Variants in CKAP5 observed in about 807,000 individuals in gnomAD.
CKAP5 encodes the protein cytoskeleton-associated protein 5.
CKAP5 carries 27 observed loss-of-function variants against 232.8 expected under a neutral mutation model. The observed-to-expected ratio is 0.12, with a 90% confidence interval of 0.09 to 0.16. The LOEUF (loss-of-function observed/expected upper bound fraction) is 0.16, where lower values mean the gene tolerates loss of function less well. Ranked by LOEUF, CKAP5 falls within the 10% of genes least tolerant of loss-of-function variation. CKAP5 has a pLI of 1.00. For missense variants in CKAP5, 1,838 were observed against 2,424.7 expected (o/e 0.76, Z 5.08); for synonymous variants, 785 against 841.1 (o/e 0.93, Z 1.16).
intron 40 of CKAP5, 130 bp downstream of exon 40, chr11:46,750,988 G>A: frequency 9.6e-7 from 1 of 1,042,660 alleles, no homozygotes; most frequent in Non-Finnish European, 1.4e-6. Flanking sequence ...CACAGCAGGA[G>A]ACTGATTCAA....
intron 36 of CKAP5, among the ~76,000 whole-genome samples, chr11:46,753,761 AT>A (rs537879375): frequency 1.5e-3 from 213 of 138,608 alleles, no homozygotes; most frequent in Middle Eastern, 3.8e-3. Context: ...TAATTTTTGT[AT>A]TTTTTTTTTT....
At chr11:46,766,164 AGCATG>A (rs1259856640) in intron 27 of CKAP5, among the ~76,000 whole-genome samples, 2 of 152,240 alleles carry the variant, frequency 1.3e-5, no homozygotes, top group East Asian at 3.8e-4. Context: ...TTATAAATGT[AGCATG>A]GCCACTATTT....
intron 1 of CKAP5, among the ~76,000 whole-genome samples, chr11:46,839,883 A>G (rs1302041777): frequency 6.6e-6 from 1 of 152,176 alleles, no homozygotes; most frequent in African/African-American, 2.4e-5. Flanking sequence ...TCATGCTTGT[A>G]ACCCCAGCAA....
In CKAP5 at chr11:46,777,455, A is replaced by T. The variant is rs1472462234; in HGVS notation, c.2846T>A (p.Val949Asp). The change falls in exon 23 of 44, where the codon GTC becomes GAC. Residue 949 changes from valine to aspartate, a missense_variant. By Grantham distance (152) the Val-to-Asp change is radical. Transcript: ENST00000529230. The stretch of plus-strand genomic sequence containing the variant: ...TAGGTTTACCTTGCTGTCTCCAAGG[A>T]CTGTGATGATAGGGATGCCTAAATT... ...VKNLGIPIITVLGDSKNNVRA... is the reference protein window; with the variant it reads ...VKNLGIPIITDLGDSKNNVRA... 1.2e-6 allele frequency: 2 copies of T among 1,608,666 alleles called. No individual in the cohort carries two copies. Among genetic ancestry groups the T allele is most frequent in the Non-Finnish European group, 1.7e-6 (2 of 1,175,082 alleles).
intron 8 of CKAP5, among the ~76,000 whole-genome samples, chr11:46,803,666 A>G (rs1939087685): frequency 6.6e-6 from 1 of 152,186 alleles, no homozygotes; most frequent in Non-Finnish European, 1.5e-5. Context: ...CTGACTCCAA[A>G]GTTTTTGCTC....
intron 24 of CKAP5, among the ~76,000 whole-genome samples, chr11:46,775,269 A>C (rs893583310): frequency 6.6e-6 from 1 of 152,242 alleles, no homozygotes; most frequent in African/African-American, 2.4e-5. Context: ...AATGCAAATC[A>C]AAACACAATG....
chr11:46,779,660 C>T lies in CKAP5; in HGVS notation c.2433+534G>A, dbSNP rs549969548. The stretch of plus-strand genomic sequence containing the variant: ...TTTGAGAAAAGGTCTCTCTGTGTGG[C>T]CTAGGCTTGAGTACAGTGGTACAAA... On this transcript the variant is annotated intron_variant, in intron 20 of 43. Transcript: ENST00000529230. Among the ~76,000 whole-genome samples the T allele has an allele frequency of 2.3e-3, 352 of 151,830 alleles. 2 individuals are homozygous for T. Among genetic ancestry groups the T allele is most frequent in the Non-Finnish European group, 4.1e-3 (278 of 67,964 alleles).
intron 24 of CKAP5, among the ~76,000 whole-genome samples, chr11:46,772,850 T>A (rs2065259063): frequency 6.6e-6 from 1 of 152,052 alleles, no homozygotes; most frequent in Non-Finnish European, 1.5e-5. Flanking sequence ...CAAGTGATTC[T>A]CCTGCCACAG....
At chr11:46,827,054 G>GGACC (rs1420509191) in intron 1 of CKAP5, among the ~76,000 whole-genome samples, 1 of 152,154 alleles carries the variant, frequency 6.6e-6, no homozygotes, top group East Asian at 1.9e-4. Flanking sequence ...GGCAAATGAT[G>GGACC]GACCAACTAG....
At chr11:46,823,826 G>T (rs1939596652) in intron 1 of CKAP5, among the ~76,000 whole-genome samples, 2 of 152,116 alleles carry the variant, frequency 1.3e-5, no homozygotes, top group South Asian at 4.1e-4. Context: ...TTACTATGTT[G>T]CCCAGGCTGG....
chr11:46,806,290 A>G (rs1024759775), intron 8 of CKAP5, among the ~76,000 whole-genome samples: 3 of 152,252 alleles, frequency 2.0e-5, no homozygotes, highest in Admixed American at 6.5e-5. Flanking sequence ...TGAGAAGCTA[A>G]TATCCTTAGA....
intron 4 of CKAP5, 27 bp from the exon 5 acceptor site, chr11:46,811,205 T>C: frequency 6.3e-7 from 1 of 1,586,228 alleles, no homozygotes; most frequent in Non-Finnish European, 8.6e-7. Flanking sequence ...GGGAAAAAAC[T>C]GTCAACGTGC....
rs576892334 is a variant in CKAP5, at chr11:46,837,034, T to C, written c.-38+9186A>G. Among the ~76,000 whole-genome samples the C allele has an allele frequency of 3.9e-5, 6 of 152,252 alleles. No individual in the cohort carries two copies. The South Asian group carries it at 1.2e-3, about 32-fold the overall frequency. ...GGTGGGAAAAAGGTTCTGACCTAAG[T>C]AGCTTTGGTAATGAGTGGAGTCTGA... On this transcript the variant is annotated intron_variant, in intron 1 of 43. Transcript: ENST00000529230.
intron 22 of CKAP5, 28 bp from the exon 23 acceptor site, chr11:46,777,580 T>C (rs754864686): frequency 8.9e-6 from 13 of 1,464,228 alleles, no homozygotes; most frequent in South Asian, 6.8e-5. Flanking sequence ...ATACTTTATG[T>C]TGAAACGATA....
chr11:46,743,901 G>T lies in CKAP5; in HGVS notation c.*122C>A, dbSNP rs183306458. The T allele has an allele frequency of 3.0e-4, 377 of 1,236,210 alleles. 3 individuals are homozygous for T. In the East Asian group the frequency reaches 8.7e-3, roughly 28 times the overall value. The allele number at this position is 1,236,210 out of a possible 1,614,324, so 76.6% of individuals were successfully genotyped here. ...TGTGCCACAATGACTCCTCCCCCTA[G>T]CTCCACGGCATGATACATACAACCA... On this transcript the variant is annotated 3_prime_UTR_variant, in exon 44 of 44. Transcript: ENST00000529230.
rs202168211 is a variant in CKAP5 at position 46,775,642 on chromosome 11, CAGA to C, written c.2991+610_2991+612del. Among the ~76,000 whole-genome samples the C allele has an allele frequency of 9.8e-3, 1,462 of 148,910 alleles. 21 individuals carry two copies. The highest frequency in any genetic ancestry group is 0.017 in the Middle Eastern group (5 of 292). The stretch of plus-strand genomic sequence containing the variant: ...TACACCATGGAATACTATGCAACCA[CAGA>C]AGAAGAATGAGTTCGTGTCCTTTGC... On this transcript the variant is annotated intron_variant, in intron 24 of 43. Transcript: ENST00000529230.
At chr11:46,770,303 GT>G in intron 25 of CKAP5, 1 of 592,996 alleles carries the variant, frequency 1.7e-6, no homozygotes, top group Non-Finnish European at 3.0e-6. Flanking sequence ...GAAGGTCACA[GT>G]TTTCACCCCT....
chr11:46,807,114 C>T (rs1237817092), intron 8 of CKAP5, among the ~76,000 whole-genome samples: 1 of 152,058 alleles, frequency 6.6e-6, no homozygotes, highest in Non-Finnish European at 1.5e-5. Flanking sequence ...TGTTGTCGGC[C>T]AAGAGTTCAA....
chr11:46,753,514 G>A lies in CKAP5; in HGVS notation c.4870-17C>T. On this transcript the variant is annotated splice_polypyrimidine_tract_variant and intron_variant, in intron 36 of 43. Transcript: ENST00000529230. ...CTGAAACAGCTATCCAGACATACTT[G>A]TGTCAGGGAGGTGTAAAACTCAATA... is the stretch of plus-strand genomic sequence containing the variant. The A allele has an allele frequency of 1.3e-6, 2 of 1,582,062 alleles. No individual in the cohort carries two copies. Among genetic ancestry groups the A allele is most frequent in the South Asian group, 1.1e-5 (1 of 88,364 alleles).
Sources: gnomAD v4.1 joint callset for allele counts (sites outside exome capture counted in the v4.1 genomes callset) on GRCh38, gnomAD v4.1.1 for gene constraint, MANE v1.5 for transcripts, NCBI Gene and HGNC (gene_info 2026-07-23, HGNC 2026-07-21) for gene names.